NXNL1: variants seen among roughly 807,000 people sequenced by gnomAD.
NXNL1 encodes the protein nucleoredoxin-like protein 1.
NXNL1 carries 6 observed loss-of-function variants against 7.2 expected under a neutral mutation model. The observed-to-expected ratio is 0.83, with a 90% CI of 0.46 to 1.64. The LOEUF (loss-of-function observed/expected upper bound fraction) is 1.64. Ranked by LOEUF, NXNL1 falls within the 40% of genes most tolerant of loss-of-function variation. The pLI is 0.01. For synonymous variants in NXNL1, 133 were observed against 127.2 expected, an observed-to-expected ratio of 1.05 and a Z score of -0.31; for missense variants, 308 against 285.1, an observed-to-expected ratio of 1.08 and a Z score of -0.58.
chr19:17,455,681 C>G lies in NXNL1; in HGVS notation c.605G>C (p.Gly202Ala). Reference sequence around the variant, plus strand: ...CCCCCCGGCCCCGCCCTCCTCCCCACCCCCTCCCCCGGGGTCGCGCCCGCC... The same window carrying G: ...CCCCCCGGCCCCGCCCTCCTCCCCAGCCCCTCCCCCGGGGTCGCGCCCGCC... ...ARGGRDPGGGGGEEGGAGGLF is the reference protein window; with the variant it reads ...ARGGRDPGGGAGEEGGAGGLF The change falls in exon 2 of 2, where the codon GGT becomes GCT. Residue 202 changes from glycine to alanine, a missense_variant. Physicochemically the swap from Gly to Ala is moderately conservative, Grantham distance 60 (BLOSUM62 0). Coordinates refer to ENST00000301944, the MANE Select transcript of NXNL1 (RefSeq NM_138454.2). 1 of 1,476,264 alleles carries G rather than the reference C, an allele frequency of 6.8e-7. No homozygotes were observed. The highest frequency in any genetic ancestry group is 1.2e-5 in the South Asian group (1 of 82,496). The allele number at this position is 1,476,264 out of a possible 1,614,324, so 91.4% of individuals were successfully genotyped here. A position where few individuals can be genotyped will look rare whatever the true frequency, so the allele number is the denominator to read the frequency against.
At position 17,455,661 on chromosome 19, in the gene NXNL1, C is replaced by CCGG; in HGVS notation, c.624_625insCCG (p.Ala208_Gly209insPro). The CCGG allele has an allele frequency of 1.2e-5, 10 of 839,942 alleles. No individual in the cohort carries two copies. Among genetic ancestry groups the CCGG allele is most frequent in the Non-Finnish European group, 1.9e-5 (10 of 519,612 alleles). The allele number at this position is 839,942 out of a possible 1,614,324, so 52.0% of individuals were successfully genotyped here. On this transcript the variant is annotated inframe_insertion, in exon 2 of 2. Transcript: ENST00000301944. Reference sequence around the variant, plus strand: ...ACCCTAGCGGGTCAGAACAGCCCCCCGGCCCCGCCCTCCTCCCCACCCCCT... The same window carrying CCGG: ...ACCCTAGCGGGTCAGAACAGCCCCCCCGGGGCCCCGCCCTCCTCCCCACCCCCT...
chr19:17,458,513 GT>G (rs1448252375), intron 1 of NXNL1, among the ~76,000 whole-genome samples: 1 of 149,766 alleles, frequency 6.7e-6, no homozygotes, highest in African/African-American at 2.4e-5. Flanking sequence ...CAGCCTGAAC[GT>G]TTTTTTCATA....
At chr19:17,458,100 G>A (rs546670866) in intron 1 of NXNL1, among the ~76,000 whole-genome samples, 2 of 152,054 alleles carry the variant, frequency 1.3e-5, no homozygotes, top group African/African-American at 4.8e-5. Context: ...ACACGTATTT[G>A]TATTGTAGAC....
At chr19:17,457,519 G>A (rs936840725) in intron 1 of NXNL1, among the ~76,000 whole-genome samples, 2 of 151,722 alleles carry the variant, frequency 1.3e-5, no homozygotes, top group Non-Finnish European at 2.9e-5. Context: ...CTACAGGCTC[G>A]TACCACCACA....
chr19:17,455,948 C>A lies in NXNL1; in HGVS notation c.338G>T (p.Arg113Leu), dbSNP rs746563428. 2 of 1,597,332 alleles carry A rather than the reference C, an allele frequency of 1.3e-6. No homozygotes were observed. The highest frequency in any genetic ancestry group is 1.3e-5 in the African/African-American group (1 of 74,920). The change falls in exon 2 of 2, where the codon CGC becomes CTC. Residue 113 changes from arginine to leucine, a missense_variant. Physicochemically the swap from Arg to Leu is moderately radical, Grantham distance 102. Transcript: ENST00000301944. ...CGGCAGGCGCTCCACTGAGAACTGG[C>A]GCCCGAGGTCCCTGCGGAGCGGGCA... Reference protein sequence around the residue: ...FEDDLRRDLGRQFSVERLPAV... With the variant: ...FEDDLRRDLGLQFSVERLPAV...
intron 1 of NXNL1, 33 bp from the exon 2 acceptor site, chr19:17,455,992 CACAT>C: frequency 6.3e-7 from 1 of 1,596,878 alleles, no homozygotes; most frequent in Non-Finnish European, 8.5e-7. Context: ...TGGACGGATC[CACAT>C]CCCTGATGCT....
chr19:17,455,663 G>GGCCCCCCCCCCCCCCCCCCCCCCCCC lies in NXNL1; in HGVS notation c.622_623insGGGGGGGGGGGGGGGGGGGGGGGGGC (p.Ala208GlyfsTer65). The stretch of plus-strand genomic sequence containing the variant: ...CCTAGCGGGTCAGAACAGCCCCCCG[G>GGCCCCCCCCCCCCCCCCCCCCCCCCC]CCCCGCCCTCCTCCCCACCCCCTCC... On this transcript the variant is annotated frameshift_variant, in exon 2 of 2. Coordinates refer to ENST00000301944, the MANE Select transcript of NXNL1 (RefSeq NM_138454.2). LOFTEE classifies it high-confidence loss of function. 1.2e-5 allele frequency: 9 copies of GGCCCCCCCCCCCCCCCCCCCCCCCCC among 771,714 alleles called. No individual in the cohort carries two copies. Among genetic ancestry groups the GGCCCCCCCCCCCCCCCCCCCCCCCCC allele is most frequent in the East Asian group, 5.5e-5 (2 of 36,240 alleles). The allele number at this position is 771,714 out of a possible 1,614,324, so 47.8% of individuals were successfully genotyped here.
intron 1 of NXNL1, among the ~76,000 whole-genome samples, chr19:17,456,588 A>T (rs1599625641): frequency 6.6e-6 from 1 of 151,920 alleles, no homozygotes; most frequent in Non-Finnish European, 1.5e-5. Context: ...GGTTTTTAAA[A>T]TTTCTCCTGC....
rs899685641 is a variant in NXNL1 at position 17,455,877 on chromosome 19, C to T, written c.409G>A (p.Gly137Ser). The T allele has an allele frequency of 5.7e-6, 9 of 1,591,098 alleles. No homozygotes were observed. The highest frequency in any genetic ancestry group is 6.8e-6 in the Non-Finnish European group (8 of 1,175,602). ...CCCAGGCGCTGGATCTCGTCGGCGC[C>T]GTCGCGAGTGAGCACGTCCCCGTCC... ...KPDGDVLTRDGADEIQRLGTA... is the reference protein window; with the variant it reads ...KPDGDVLTRDSADEIQRLGTA... Residue 137 changes from glycine to serine, a missense_variant, in exon 2 of 2, where the codon GGC becomes AGC. Coordinates refer to ENST00000301944, the MANE Select transcript of NXNL1 (RefSeq NM_138454.2).
At chr19:17,458,220 C>CTTTTTTTTTTTTT (rs756873224) in intron 1 of NXNL1, among the ~76,000 whole-genome samples, 19 of 122,182 alleles carry the variant, frequency 1.6e-4, no homozygotes, top group East Asian at 4.6e-4. Flanking sequence ...TTCTTTCTTT[C>CTTTTTTTTTTTTT]TTTTTTTTTT....
At position 17,460,681 on chromosome 19, in the gene NXNL1, A is replaced by G. The variant is rs1435450628; in HGVS notation, c.189T>C (p.Asp63=). ...ILKDFFVRLT[D]EFYVLRAAQL... is the part of the protein sequence containing the mutation. Reference sequence around the variant, plus strand: ...GAGCCGCCCGCAGTACATAGAACTCATCTGTGAGCCGCACGAAGAAGTCCT... The same window carrying G: ...GAGCCGCCCGCAGTACATAGAACTCGTCTGTGAGCCGCACGAAGAAGTCCT... Residue 63 remains aspartate (D), a synonymous_variant, in exon 1 of 2, where the codon GAT becomes GAC. Transcript: ENST00000301944. 6.2e-7 allele frequency: 1 copy of G among 1,613,728 alleles called. No individual in the cohort carries two copies. Among genetic ancestry groups the G allele is most frequent in the Non-Finnish European group, 8.5e-7 (1 of 1,179,968 alleles).
intron 1 of NXNL1, among the ~76,000 whole-genome samples, chr19:17,456,701 G>C (rs73517988): frequency 0.036 from 5,520 of 151,994 alleles, 291 homozygotes; most frequent in African/African-American, 0.11. Flanking sequence ...AGCCAACATG[G>C]TTAACAGTTC....
Position 17,455,677 on chromosome 19 carries a change from C to CCCCCCCCCCCCCCCCCGGGGGCG in NXNL1, c.608_609insCGCCCCCGGGGGGGGGGGGGGGG (p.Glu204AlafsTer68). On this transcript the variant is annotated frameshift_variant, in exon 2 of 2. Transcript: ENST00000301944. LOFTEE classifies it high-confidence loss of function. ...ACAGCCCCCCGGCCCCGCCCTCCTC[C>CCCCCCCCCCCCCCCCCGGGGGCG]CCACCCCCTCCCCCGGGGTCGCGCC... The CCCCCCCCCCCCCCCCCGGGGGCG allele has an allele frequency of 7.2e-7, 1 of 1,393,124 alleles. No individual in the cohort carries two copies. Among genetic ancestry groups the CCCCCCCCCCCCCCCCCGGGGGCG allele is most frequent in the East Asian group, 2.5e-5 (1 of 39,588 alleles). The allele number at this position is 1,393,124 out of a possible 1,614,324, so 86.3% of individuals were successfully genotyped here.
Position 17,455,668 on chromosome 19 carries a change from G to GGGGGCGC in NXNL1, c.617_618insGCGCCCC (p.Gly207ArgfsTer12). ...CGGGTCAGAACAGCCCCCCGGCCCC[G>GGGGGCGC]CCCTCCTCCCCACCCCCTCCCCCGG... On this transcript the variant is annotated frameshift_variant, in exon 2 of 2. Transcript: ENST00000301944. LOFTEE classifies it high-confidence loss of function. The GGGGGCGC allele has an allele frequency of 9.1e-6, 3 of 330,288 alleles. No individual in the cohort carries two copies. The highest frequency in any genetic ancestry group is 9.3e-6 in the Non-Finnish European group (2 of 214,744). The allele number at this position is 330,288 out of a possible 1,614,324, so 20.5% of individuals were successfully genotyped here.
intron 1 of NXNL1, among the ~76,000 whole-genome samples, chr19:17,458,220 C>CTTTTTTTTTTTTTTTTTTTTTTTTT (rs756873224): frequency 8.2e-6 from 1 of 122,182 alleles, no homozygotes; most frequent in African/African-American, 3.1e-5. Context: ...TTCTTTCTTT[C>CTTTTTTTTTTTTTTTTTTTTTTTTT]TTTTTTTTTT....
At position 17,455,708 on chromosome 19, in the gene NXNL1, C is replaced by T; in HGVS notation, c.578G>A (p.Arg193Gln). 2 of 1,528,628 alleles carry T rather than the reference C, an allele frequency of 1.3e-6. No homozygotes were observed. The highest frequency in any genetic ancestry group is 4.9e-5 in the East Asian group (2 of 40,662). The allele number at this position is 1,528,628 out of a possible 1,614,324, so 94.7% of individuals were successfully genotyped here. A position where few individuals can be genotyped will look rare whatever the true frequency, so the allele number is the denominator to read the frequency against. ...RHKYRVEKAA[R>Q]GGRDPGGGGG... ...CCCTCCCCCGGGGTCGCGCCCGCCT[C>T]GCGCCGCCTTTTCCACGCGGTACTT... Residue 193 changes from arginine to glutamine, a missense_variant, in exon 2 of 2, where the codon CGA becomes CAA. By Grantham distance (43) the Arg-to-Gln change is conservative (BLOSUM62 1). Coordinates refer to ENST00000301944, the MANE Select transcript of NXNL1 (RefSeq NM_138454.2).
chr19:17,457,105 A>AAT (rs1555739749), intron 1 of NXNL1, among the ~76,000 whole-genome samples: 1,570 of 150,438 alleles, frequency 0.01, 28 homozygotes, highest in African/African-American at 0.037. Context: ...AAAAAAAAAA[A>AAT]AAAAATTGGA....
chr19:17,456,089 G>C (rs1316179524), intron 1 of NXNL1, 130 bp from the exon 2 acceptor site: 1 of 1,465,616 alleles, frequency 6.8e-7, no homozygotes, highest in Non-Finnish European at 9.0e-7. Flanking sequence ...CACTGGGTAG[G>C]TGCACACGAG....
Position 17,460,605 on chromosome 19 carries a change from G to C in NXNL1, c.265C>G (p.Leu89Val), listed in dbSNP as rs1356908457. 7 of 1,609,220 alleles carry C rather than the reference G, an allele frequency of 4.3e-6. No individual in the cohort carries two copies. In the Admixed American group the frequency reaches 1.2e-4, roughly 27 times the overall value. ...TTCTTTGGCATGTCCTTGAGGAACA[G>C]GTCCTGCTGCTCCTCCGTGGAGTCC... The part of the protein sequence containing the change: ...SQDSTEEQQD[L>V]FLKDMPKKWL... The change falls in exon 1 of 2, where the codon CTG (leucine) becomes GTG (valine). Residue 89 changes from leucine to valine, a missense_variant. Leu to Val is a conservative substitution (Grantham distance 32, BLOSUM62 1). Coordinates refer to ENST00000301944, the MANE Select transcript of NXNL1 (RefSeq NM_138454.2).
Sources: gnomAD v4.1 joint callset for allele counts (sites outside exome capture counted in the v4.1 genomes callset) on GRCh38, gnomAD v4.1.1 for gene constraint, MANE v1.5 for transcripts, NCBI Gene and HGNC (gene_info 2026-07-23, HGNC 2026-07-21) for gene names.